The following LSS variants were observed in gnomAD, a reference collection of about 807,000 sequenced individuals.
LSS encodes 2,3-epoxysqualene-lanosterol cyclase.
Under a neutral mutation model 110.3 loss-of-function variants are expected in LSS, and 90 were observed. That is an observed-to-expected ratio of 0.82 (90% CI 0.69 to 0.97). The LOEUF (loss-of-function observed/expected upper bound fraction) is 0.97. Ranked by LOEUF, LSS falls within the 50% of genes least tolerant of loss-of-function variation. The probability of loss-of-function intolerance (pLI) is 0.00; values close to 1 mark genes in which losing one functional copy is unlikely to be tolerated. For missense variants in LSS, 927 were observed against 990.0 expected, an observed-to-expected ratio of 0.94 and a Z score of 0.85; for synonymous variants, 433 against 400.0, an observed-to-expected ratio of 1.08 and a Z score of -0.98.
chr21:46,216,996 T>C lies in LSS; in HGVS notation c.648-472A>G, dbSNP rs1046591006. 1.3e-5 allele frequency among the ~76,000 whole-genome samples: 2 copies of C among 152,172 alleles called. No individual in the cohort carries two copies. The highest frequency in any genetic ancestry group is 4.8e-5 in the African/African-American group (2 of 41,546). ...GCACGGTGGCTCACGCCTGTAACCC[T>C]AGCACTTTGGGAGGCCGAGGCTGGT... On this transcript the variant is annotated intron_variant, in intron 6 of 21. Transcript: ENST00000397728. This position sits in a 1 kb window ranked among gnomAD's most constrained non-coding sequence, Gnocchi z 4.2.
intron 5 of LSS, among the ~76,000 whole-genome samples, chr21:46,221,065 A>AGGT (rs2080272919): frequency 1.5e-5 from 2 of 131,108 alleles, no homozygotes; most frequent in Non-Finnish European, 3.2e-5. Context: ...GGGCTTGGAG[A>AGGT]AGTAGACAGT....
At chr21:46,205,247 G>C (rs931367685) in intron 17 of LSS, among the ~76,000 whole-genome samples, 6 of 152,162 alleles carry the variant, frequency 3.9e-5, no homozygotes, top group Non-Finnish European at 7.3e-5. Flanking sequence ...GAAGGCCCGA[G>C]GGAGAGAACG....
At chr21:46,200,178 A>C (rs981532719) in intron 17 of LSS, among the ~76,000 whole-genome samples, 1 of 152,232 alleles carries the variant, frequency 6.6e-6, no homozygotes, top group Non-Finnish European at 1.5e-5. Context: ...GTAAGAATCT[A>C]TGCGTCCACA....
chr21:46,213,964 G>T, intron 9 of LSS, 129 bp from the exon 10 acceptor site: 1 of 679,864 alleles, frequency 1.5e-6, no homozygotes, highest in Non-Finnish European at 2.7e-6. Flanking sequence ...GGCCAGGACA[G>T]GGGCCTTCTG....
intron 6 of LSS, among the ~76,000 whole-genome samples, chr21:46,218,149 C>A (rs1364140172): frequency 6.9e-6 from 1 of 144,056 alleles, no homozygotes; most frequent in Non-Finnish European, 1.5e-5. Context: ...ACCCCCCCAG[C>A]CCTGCTGATA....
At chr21:46,192,889 G>C in intron 20 of LSS, 6 of 446,296 alleles carry the variant, frequency 1.3e-5, no homozygotes, top group South Asian at 9.4e-5. Context: ...ACAGGTGCCT[G>C]TGCATGTGTA....
rs766950770 is a variant in LSS at position 46,205,868 on chromosome 21, C to T, written c.1638G>A (p.Lys546=). 2.2e-5 allele frequency: 36 copies of T among 1,610,242 alleles called. 2 individuals carry two copies. In the Middle Eastern group the frequency reaches 4.9e-4, roughly 22 times the overall value. ...AVMQALKYFH[K]RFPEHRAAEI... ...CCGCTGCCCTGTGCTCCGGGAAACG[C>T]TTGTGGAAATACTTAAGCGCCTGCA... Residue 546 remains lysine, a synonymous_variant, in exon 17 of 22, where the codon AAG becomes AAA. Coordinates refer to ENST00000397728, the MANE Select transcript of LSS (RefSeq NM_002340.6).
At chr21:46,203,597 A>G (rs904324442) in intron 17 of LSS, among the ~76,000 whole-genome samples, 4 of 152,256 alleles carry the variant, frequency 2.6e-5, no homozygotes, top group Non-Finnish European at 5.9e-5. Flanking sequence ...TAAAAGGCCA[A>G]TTCTCTAAAT....
rs868047246 is a variant in LSS at position 46,203,301 on chromosome 21, C to G, written c.1670+2535G>C. On this transcript the variant is annotated intron_variant, in intron 17 of 21. Coordinates refer to ENST00000397728, the MANE Select transcript of LSS (RefSeq NM_002340.6). ...AAACTGAAAAATAACCCAGAGGCTA[C>G]TGAGTAAAATGACACAACACCTGTG... Among the ~76,000 whole-genome samples the G allele has an allele frequency of 3.9e-5, 6 of 152,328 alleles. No homozygotes were observed. In the South Asian group the frequency reaches 1.2e-3, roughly 32 times the overall value.
At chr21:46,205,805 GC>G in intron 17 of LSS, 30 bp downstream of exon 17, 1 of 1,546,906 alleles carries the variant, frequency 6.5e-7, no homozygotes, top group South Asian at 1.2e-5. Flanking sequence ...ACTTGGCAGC[GC>G]CCACACTGAA....
At chr21:46,212,683 A>T (rs565602501) in intron 11 of LSS, among the ~76,000 whole-genome samples, 22 of 152,236 alleles carry the variant, frequency 1.4e-4, no homozygotes, top group Non-Finnish European at 3.1e-4. Context: ...TTAAGAGTGC[A>T]TGGAGGAGAA....
At chr21:46,206,015 A>T in intron 16 of LSS, 74 bp from the exon 17 acceptor site, 2 of 1,171,038 alleles carry the variant, frequency 1.7e-6, no homozygotes, top group Admixed American at 4.1e-5. Context: ...AGGCAAAGCC[A>T]CAACAAGCAA....
chr21:46,209,117 A>C lies in LSS; in HGVS notation c.1266+437T>G, dbSNP rs530083485. 1.3e-5 allele frequency among the ~76,000 whole-genome samples: 2 copies of C among 152,274 alleles called. No homozygotes were observed. Among genetic ancestry groups the C allele is most frequent in the Admixed American group, 6.5e-5 (1 of 15,310 alleles). On this transcript the variant is annotated intron_variant, in intron 13 of 21. Coordinates refer to ENST00000397728, the MANE Select transcript of LSS (RefSeq NM_002340.6). The surrounding 1 kb of genome is among the most constrained non-coding windows in gnomAD (Gnocchi z 4.4). Reference sequence around the variant, plus strand: ...ATGGGCTCGGGCAGGGTCTGTGGGCAGCTGATCTGGCAGGAGGGACCGGGG... The same window carrying C: ...ATGGGCTCGGGCAGGGTCTGTGGGCCGCTGATCTGGCAGGAGGGACCGGGG...
At chr21:46,214,143 C>G (rs1375151004) in intron 9 of LSS, among the ~76,000 whole-genome samples, 2 of 152,206 alleles carry the variant, frequency 1.3e-5, no homozygotes, top group Admixed American at 6.5e-5. Flanking sequence ...GGGGCATGGG[C>G]TACCAGGTGC....
intron 2 of LSS, 107 bp downstream of exon 2, chr21:46,228,327 G>C (rs1479072085): frequency 7.6e-7 from 1 of 1,309,274 alleles, no homozygotes; most frequent in African/African-American, 1.5e-5. Flanking sequence ...TTGGGGATGG[G>C]CGTCGCTGGC....
At position 46,227,620 on chromosome 21, in the gene LSS, T is replaced by A. The variant is rs759679529; in HGVS notation, c.251A>T (p.Tyr84Phe). ...FEGALNGMTF[Y>F]VGLQAEDGHW... ...CCCATCCTCAGCCTGCAGCCCCACG[T>A]AAAATGTCATCCCGTTCAGAGCCCC... The change falls in exon 3 of 22, where the codon TAC becomes TTC. Residue 84 changes from tyrosine to phenylalanine, a missense_variant. Coordinates refer to ENST00000397728, the MANE Select transcript of LSS (RefSeq NM_002340.6). 8 of 1,613,452 alleles carry A rather than the reference T, an allele frequency of 5.0e-6. No individual in the cohort carries two copies. The Admixed American group carries it at 1.3e-4, about 27-fold the overall frequency.
chr21:46,205,610 G>A (rs1403661974), intron 17 of LSS, among the ~76,000 whole-genome samples: 1 of 152,240 alleles, frequency 6.6e-6, no homozygotes, highest in East Asian at 1.9e-4. Context: ...TTAAAAGAGA[G>A]AGAAAATCCA....
chr21:46,192,374 G>C, intron 20 of LSS: 1 of 415,790 alleles, frequency 2.4e-6, no homozygotes, highest in Non-Finnish European at 4.8e-6. Context: ...GTGGGTCCCT[G>C]ACTGTCCTGC....
chr21:46,210,862 C>G lies in LSS; in HGVS notation c.1138-118G>C, dbSNP rs928073816. On this transcript the variant is annotated intron_variant, in intron 11 of 21. Transcript: ENST00000397728. ...TGTGGGGGCTCCCACCCAGCCAACGCTCAGCCTCAGGCTCTGAGCCCTGGG... is the reference window on the plus strand; with the variant it reads ...TGTGGGGGCTCCCACCCAGCCAACGGTCAGCCTCAGGCTCTGAGCCCTGGG... 8.7e-6 allele frequency: 8 copies of G among 915,030 alleles called. No individual in the cohort carries two copies. In the African/African-American group the frequency reaches 1.3e-4, roughly 15 times the overall value. The allele number at this position is 915,030 out of a possible 1,614,324, so 56.7% of individuals were successfully genotyped here. A position where few individuals can be genotyped will look rare whatever the true frequency, so the allele number is the denominator to read the frequency against.
Sources: allele counts gnomAD v4.1 joint callset (sites outside exome capture counted in the v4.1 genomes callset), GRCh38; gene constraint gnomAD v4.1.1; non-coding constraint Gnocchi (gnomAD v3.1); transcripts MANE v1.5; gene names NCBI Gene and HGNC (gene_info 2026-07-23, HGNC 2026-07-21).